BMPR1B: variants seen among roughly 807,000 people sequenced by gnomAD.
The protein encoded by BMPR1B is bone morphogenetic protein receptor type-1B.
In BMPR1B, 12 loss-of-function variants were observed where a neutral mutation model predicts 59.1. The observed-to-expected ratio is 0.20, with a 90% CI of 0.13 to 0.33. BMPR1B has a LOEUF of 0.33. BMPR1B is among the 10% of genes least tolerant of loss of function. The probability of loss-of-function intolerance (pLI) is 1.00; values close to 1 mark genes in which losing one functional copy is unlikely to be tolerated. For missense variants in BMPR1B, 550 were observed against 610.9 expected (o/e 0.90, Z 1.05); for synonymous variants, 237 against 207.3 (o/e 1.14, Z -1.23).
chr4:95,092,183 C>A (rs544306216), intron 3 of BMPR1B, among the ~76,000 whole-genome samples: 1 of 152,064 alleles, frequency 6.6e-6, no homozygotes, highest in South Asian at 2.1e-4. Flanking sequence ...ATGAATGTTT[C>A]AAAAATATAG....
At chr4:94,870,496 T>TAG (rs1726444412) in intron 1 of BMPR1B, among the ~76,000 whole-genome samples, 1 of 152,212 alleles carries the variant, frequency 6.6e-6, no homozygotes, top group Non-Finnish European at 1.5e-5. Context: ...AGCTCTAAGT[T>TAG]ATCAGTGCAA....
At position 95,131,440 on chromosome 4, in the gene BMPR1B, G is replaced by C; in HGVS notation, c.1004G>C (p.Ser335Thr). The C allele has an allele frequency of 1.2e-6, 2 of 1,614,036 alleles. No individual in the cohort carries two copies. The highest frequency in any genetic ancestry group is 1.7e-6 in the Non-Finnish European group (2 of 1,179,992). The change falls in exon 10 of 13, where the codon AGT becomes ACT. Residue 335 changes from serine (S) to threonine (T), a missense_variant. This residue lies in a region of BMPR1B where 318 missense variants were observed against 284.6 expected (regional missense o/e 1.12). Coordinates refer to ENST00000515059, the MANE Select transcript of BMPR1B (RefSeq NM_001203.3). Reference protein sequence around the residue: ...KPAIAHRDLKSKNILVKKNGT... With the variant: ...KPAIAHRDLKTKNILVKKNGT... Reference sequence around the variant, plus strand: ...GCAATTGCCCATCGAGATCTGAAAAGTAAAAACATTCTGGTGAAGAAAAAT... The same window carrying C: ...GCAATTGCCCATCGAGATCTGAAAACTAAAAACATTCTGGTGAAGAAAAAT...
chr4:95,038,584 C>G (rs1433062529), intron 3 of BMPR1B, among the ~76,000 whole-genome samples: 1 of 152,146 alleles, frequency 6.6e-6, no homozygotes, highest in Non-Finnish European at 1.5e-5. Flanking sequence ...ATTTATGGTT[C>G]TTTTGCCTAA....
intron 1 of BMPR1B, among the ~76,000 whole-genome samples, chr4:94,770,413 T>C (rs1722143456): frequency 6.6e-6 from 1 of 152,016 alleles, no homozygotes; most frequent in South Asian, 2.1e-4. Context: ...AGAGGTGACT[T>C]CTAGCTCCTT....
At chr4:94,883,909 C>G (rs542951919) in intron 2 of BMPR1B, among the ~76,000 whole-genome samples, 1 of 152,074 alleles carries the variant, frequency 6.6e-6, no homozygotes, top group Non-Finnish European at 1.5e-5. Flanking sequence ...TGTTGAATAC[C>G]CATTTAACAG....
rs536199165 is a variant in BMPR1B at position 94,841,625 on chromosome 4, A to G, written c.-182-34206A>G. 1.4e-4 allele frequency among the ~76,000 whole-genome samples: 22 copies of G among 152,178 alleles called. No individual in the cohort carries two copies. In the South Asian group the frequency reaches 2.1e-3, roughly 14 times the overall value. Reference sequence around the variant, plus strand: ...AATGCCTCACCCTGCTTCGGCTCGCACACGGTGCGCGCACCCACTGATCTG... The same window carrying G: ...AATGCCTCACCCTGCTTCGGCTCGCGCACGGTGCGCGCACCCACTGATCTG... On this transcript the variant is annotated intron_variant, in intron 1 of 12. Coordinates refer to ENST00000515059, the MANE Select transcript of BMPR1B (RefSeq NM_001203.3).
intron 2 of BMPR1B, among the ~76,000 whole-genome samples, chr4:94,952,458 T>G (rs193110763): frequency 3.4e-4 from 52 of 152,338 alleles, no homozygotes; most frequent in Non-Finnish European, 6.3e-4. Flanking sequence ...TGGTACATTG[T>G]GTCTTCGTTC....
intron 1 of BMPR1B, among the ~76,000 whole-genome samples, chr4:94,810,009 AGTTTTTTTG>A (rs1437975277): frequency 1.6e-4 from 24 of 152,234 alleles, no homozygotes; most frequent in Admixed American, 1.4e-3. Flanking sequence ...ATGAATTTAC[AGTTTTTTTG>A]ACCCTAAATG....
intron 1 of BMPR1B, among the ~76,000 whole-genome samples, chr4:94,818,465 T>C (rs574576495): frequency 6.6e-6 from 1 of 152,218 alleles, no homozygotes; most frequent in South Asian, 2.1e-4. Context: ...CTTGCTGGTA[T>C]AGTTTTAGCT....
At position 94,985,607 on chromosome 4, in the gene BMPR1B, T is replaced by A. The variant is rs1721356460; in HGVS notation, c.-112-10433T>A. ...TATGCCCTAAATTGGAAGACTTCGT[T>A]CTGTTCCATGGTAATTATTGTGTTT... is the stretch of plus-strand genomic sequence containing the variant. On this transcript the variant is annotated intron_variant, in intron 2 of 12. Transcript: ENST00000515059. 1.3e-5 allele frequency among the ~76,000 whole-genome samples: 2 copies of A among 151,950 alleles called. 1 individual carries two copies. Among genetic ancestry groups the A allele is most frequent in the Admixed American group, 1.3e-4 (2 of 15,230 alleles).
intron 1 of BMPR1B, among the ~76,000 whole-genome samples, chr4:94,778,679 A>G (rs1722474948): frequency 1.3e-5 from 2 of 152,090 alleles, no homozygotes; most frequent in African/African-American, 4.8e-5. Flanking sequence ...CCTAGTCCAT[A>G]CTTAATATTT....
intron 2 of BMPR1B, among the ~76,000 whole-genome samples, chr4:94,926,916 G>A (rs1309547323): frequency 1.3e-5 from 2 of 152,020 alleles, no homozygotes; most frequent in Non-Finnish European, 2.9e-5. Flanking sequence ...CTTATTAAAT[G>A]CATGTTTTTT....
At chr4:94,949,996 G>A (rs1729868969) in intron 2 of BMPR1B, among the ~76,000 whole-genome samples, 1 of 152,212 alleles carries the variant, frequency 6.6e-6, no homozygotes. Flanking sequence ...ACTGGCGTGA[G>A]ATGATATCTC....
chr4:94,793,662 C>T (rs1394635934), intron 1 of BMPR1B, among the ~76,000 whole-genome samples: 2 of 146,680 alleles, frequency 1.4e-5, no homozygotes, highest in South Asian at 2.3e-4. Flanking sequence ...TATTTCTCCA[C>T]ATCCTCTCCA....
intron 2 of BMPR1B, among the ~76,000 whole-genome samples, chr4:94,902,604 GT>G (rs11397011): frequency 4.6e-5 from 7 of 151,522 alleles, no homozygotes; most frequent in African/African-American, 1.7e-4. Flanking sequence ...GAATTTTTCT[GT>G]TTTTTTCTGA....
chr4:95,030,794 T>C (rs1358384709), intron 3 of BMPR1B, among the ~76,000 whole-genome samples: 1 of 152,086 alleles, frequency 6.6e-6, no homozygotes. Context: ...AATAAAATAC[T>C]TAAGAATCCA....
At chr4:94,923,369 C>A (rs1303488603) in intron 2 of BMPR1B, among the ~76,000 whole-genome samples, 2 of 152,038 alleles carry the variant, frequency 1.3e-5, no homozygotes, top group Non-Finnish European at 2.9e-5. Flanking sequence ...GGCTTATGTA[C>A]TCTGAAATTT....
At chr4:95,102,551 A>T (rs1730897901) in intron 3 of BMPR1B, among the ~76,000 whole-genome samples, 1 of 152,192 alleles carries the variant, frequency 6.6e-6, no homozygotes, top group Non-Finnish European at 1.5e-5. Context: ...TACTGAGGTG[A>T]CTCAGGTCAT....
At chr4:94,968,255 C>T (rs913299859) in intron 2 of BMPR1B, among the ~76,000 whole-genome samples, 1 of 152,148 alleles carries the variant, frequency 6.6e-6, no homozygotes, top group African/African-American at 2.4e-5. Context: ...GCATCTGCCT[C>T]CTGTCTTCCT....
Sources: gnomAD v4.1 joint callset for allele counts (sites outside exome capture counted in the v4.1 genomes callset) on GRCh38, gnomAD v4.1.1 for gene constraint, gnomAD v4.1.1 regional missense constraint, MANE v1.5 for transcripts, NCBI Gene and HGNC (gene_info 2026-07-23, HGNC 2026-07-21) for gene names.